PROSER1: variants seen among roughly 807,000 people sequenced by gnomAD.
The protein encoded by PROSER1 is proline and serine rich 1, also known as proline and serine-rich protein 1.
A neutral mutation model predicts 71.8 loss-of-function variants in PROSER1; 36 were observed. That is an observed-to-expected ratio of 0.50 (90% CI 0.38 to 0.66). PROSER1 has a LOEUF of 0.66. Ranked by LOEUF, PROSER1 falls within the 30% of genes least tolerant of loss-of-function variation. The pLI is 0.00. For missense variants in PROSER1, 1,107 were observed against 1,135.0 expected (o/e 0.98, Z 0.35); for synonymous variants, 490 against 452.4 (o/e 1.08, Z -1.06).
At chr13:39,012,001 C>A in intron 12 of PROSER1, 82 bp downstream of exon 12, 1 of 1,380,088 alleles carries the variant, frequency 7.2e-7, no homozygotes, top group South Asian at 1.3e-5. Flanking sequence ...GTTGGGATAT[C>A]GCAAATGATA....
chr13:39,033,485 T>C (rs1870955900), intron 2 of PROSER1, among the ~76,000 whole-genome samples: 1 of 152,222 alleles, frequency 6.6e-6, no homozygotes, highest in African/African-American at 2.4e-5. Flanking sequence ...CCCCAAGCTG[T>C]TCTCCAGACA....
intron 1 of PROSER1, among the ~76,000 whole-genome samples, chr13:39,036,692 GA>G (rs1324181012): frequency 6.6e-6 from 1 of 152,118 alleles, no homozygotes; most frequent in African/African-American, 2.4e-5. Context: ...CAATTCCTAA[GA>G]ACGTGACTTT....
At position 39,023,040 on chromosome 13, in the gene PROSER1, G is replaced by A. The variant is rs1045354384; in HGVS notation, c.643+12C>T. 3 of 1,598,448 alleles carry A rather than the reference G, an allele frequency of 1.9e-6. No individual in the cohort carries two copies. The highest frequency in any genetic ancestry group is 1.3e-5 in the African/African-American group (1 of 74,322). ...AAAAGAAAAACAAGTAAAAAATAAG[G>A]GAACTCCTTACTTGGTGCAATAGTT... On this transcript the variant is annotated intron_variant, in intron 8 of 12. Transcript: ENST00000352251.
At chr13:39,019,473 G>A (rs867791558) in intron 9 of PROSER1, among the ~76,000 whole-genome samples, 3 of 133,106 alleles carry the variant, frequency 2.3e-5, no homozygotes, top group Non-Finnish European at 3.1e-5. Flanking sequence ...CCGACATTGC[G>A]CCACTGCACT....
At chr13:39,012,608 T>C (rs537122254) in intron 11 of PROSER1, 83 bp downstream of exon 11, 19 of 1,138,670 alleles carry the variant, frequency 1.7e-5, no homozygotes, top group Middle Eastern at 2.3e-4. Flanking sequence ...GATTTTGACA[T>C]TCATTTTGAT....
At position 39,014,113 on chromosome 13, in the gene PROSER1, G is replaced by C; in HGVS notation, c.1139C>G (p.Pro380Arg). 1.2e-6 allele frequency: 2 copies of C among 1,613,690 alleles called. No individual in the cohort carries two copies. The highest frequency in any genetic ancestry group is 1.7e-6 in the Non-Finnish European group (2 of 1,179,884). ...GGACCGTGGTGTAGGTCCTGGGGTAGGAGTGGCTGCGGTAGGAGTGGCAGA... is the reference window on the plus strand; with the variant it reads ...GGACCGTGGTGTAGGTCCTGGGGTACGAGTGGCTGCGGTAGGAGTGGCAGA... ...GPSATPTAAT[P>R]TPGPTPRSTL... Residue 380 changes from proline to arginine, a missense_variant, in exon 11 of 13, where the codon CCT becomes CGT. Pro to Arg is a moderately radical substitution (Grantham distance 103). Transcript: ENST00000352251.
chr13:39,018,473 GACACAC>G (rs56659534), intron 9 of PROSER1, among the ~76,000 whole-genome samples: 204 of 120,246 alleles, frequency 1.7e-3, no homozygotes, highest in East Asian at 4.2e-3. Flanking sequence ...TTTAAAACCC[GACACAC>G]ACACACACAC....
chr13:39,019,516 CAAAAAAAAAAAAAAA>C (rs1183602451), intron 9 of PROSER1, among the ~76,000 whole-genome samples: 2 of 40,826 alleles, frequency 4.9e-5, no homozygotes, highest in Non-Finnish European at 9.8e-5. Flanking sequence ...AACTCTGTCT[CAAAAAAAAAAAAAAA>C]AAAAAAAAAG....
rs1432743000 is a variant in PROSER1, at chr13:39,013,219, G to A, written c.2033C>T (p.Ser678Phe). ...GGAACCATGTGGTGGAAGGGAAATAGAGGAAAGAGGATTTGAACCATTTAA... is the reference window on the plus strand; with the variant it reads ...GGAACCATGTGGTGGAAGGGAAATAAAGGAAAGAGGATTTGAACCATTTAA... ...TPLNGSNPLS[S>F]ISLPPHGSST... is the part of the protein sequence containing the mutation. Residue 678 changes from serine to phenylalanine, a missense_variant, in exon 11 of 13, where the codon TCT becomes TTT. Transcript: ENST00000352251. The A allele has an allele frequency of 6.2e-7, 1 of 1,614,038 alleles. No homozygotes were observed. The highest frequency in any genetic ancestry group is 1.3e-5 in the African/African-American group (1 of 74,942).
intron 10 of PROSER1, among the ~76,000 whole-genome samples, chr13:39,016,517 A>G (rs940540930): frequency 6.6e-5 from 10 of 152,250 alleles, no homozygotes; most frequent in African/African-American, 2.4e-4. Context: ...TCATGCTAAC[A>G]TCGTACAACA....
intron 7 of PROSER1, 91 bp from the exon 8 acceptor site, chr13:39,023,221 G>T: frequency 1.1e-6 from 1 of 915,198 alleles, no homozygotes. Flanking sequence ...GTCCTAATAT[G>T]CTAAAAATGT....
chr13:39,029,246 G>GT (rs775784967), intron 4 of PROSER1, 35 bp downstream of exon 4: 21 of 580,562 alleles, frequency 3.6e-5, no homozygotes, highest in African/African-American at 1.9e-4. Flanking sequence ...TTTTTCCCAA[G>GT]TAAAAAAAAA....
chr13:39,035,743 TG>T (rs1456498825), intron 1 of PROSER1, among the ~76,000 whole-genome samples: 1 of 152,234 alleles, frequency 6.6e-6, no homozygotes, highest in Admixed American at 6.5e-5. Flanking sequence ...ACTCAAGAGA[TG>T]ACCTGGTTTA....
At position 39,017,513 on chromosome 13, in the gene PROSER1, A is replaced by G; in HGVS notation, c.762T>C (p.Pro254=). The change falls in exon 10 of 13, where the codon CCT becomes CCC. Residue 254 remains proline, a synonymous_variant. Coordinates refer to ENST00000352251, the MANE Select transcript of PROSER1 (RefSeq NM_025138.5). The part of the protein sequence containing the change: ...ENEDLSNPSK[P]IQNQTFSTPA... Reference sequence around the variant, plus strand: ...TTTGCTACTTACTTTGATTCTGTATAGGTTTTGACGGATTCGAAAGGTCTT... The same window carrying G: ...TTTGCTACTTACTTTGATTCTGTATGGGTTTTGACGGATTCGAAAGGTCTT... The G allele has an allele frequency of 6.5e-7, 1 of 1,547,546 alleles. No homozygotes were observed. Among genetic ancestry groups the G allele is most frequent in the Non-Finnish European group, 8.9e-7 (1 of 1,128,394 alleles).
intron 3 of PROSER1, among the ~76,000 whole-genome samples, chr13:39,030,542 C>T (rs1870788812): frequency 6.6e-6 from 1 of 152,116 alleles, no homozygotes; most frequent in African/African-American, 2.4e-5. Flanking sequence ...CTGCCGCAGC[C>T]TCCTGGGTAG....
At chr13:39,031,695 G>A in intron 2 of PROSER1, 64 bp from the exon 3 acceptor site, 7 of 1,428,704 alleles carry the variant, frequency 4.9e-6, no homozygotes, top group Non-Finnish European at 6.9e-6. Context: ...TAAGATTTCA[G>A]TACTTGAAAT....
chr13:39,018,500 AC>A (rs1433050801), intron 9 of PROSER1, among the ~76,000 whole-genome samples: 62 of 151,216 alleles, frequency 4.1e-4, no homozygotes, highest in African/African-American at 1.4e-3. Flanking sequence ...ACACACACAC[AC>A]ACACACACAC....
rs368546956 is a variant in PROSER1, at chr13:39,012,831, C to A, written c.2421G>T (p.Pro807=). The change falls in exon 11 of 13, where the codon CCG becomes CCT. Residue 807 remains proline, a synonymous_variant. Coordinates refer to ENST00000352251, the MANE Select transcript of PROSER1 (RefSeq NM_025138.5). ...CGACTGTAGAGGGCGCCTGCAGCCC[C>A]GGGAATGAGGGAAGAGCAGGGGTAA... The part of the protein sequence containing the change: ...PSVTPALPSF[P]GLQAPSTVAA... 1.2e-6 allele frequency: 2 copies of A among 1,613,982 alleles called. No homozygotes were observed. The highest frequency in any genetic ancestry group is 8.5e-7 in the Non-Finnish European group (1 of 1,180,010).
At chr13:39,033,565 T>TTG (rs1295613087) in intron 2 of PROSER1, among the ~76,000 whole-genome samples, 2 of 152,190 alleles carry the variant, frequency 1.3e-5, no homozygotes, top group African/African-American at 2.4e-5. Flanking sequence ...ACATGCCCCC[T>TTG]TGTGTGTGTG....
Sources: gnomAD v4.1 joint callset for allele counts (sites outside exome capture counted in the v4.1 genomes callset) on GRCh38, gnomAD v4.1.1 for gene constraint, MANE v1.5 for transcripts, NCBI Gene and HGNC (gene_info 2026-07-23, HGNC 2026-07-21) for gene names.